GRID1: variants seen among roughly 807,000 people sequenced by gnomAD.
GRID1 encodes glutamate receptor ionotropic, delta-1.
In GRID1, 28 loss-of-function variants were observed where a neutral mutation model predicts 98.0. That is an observed-to-expected ratio of 0.29 (90% CI 0.21 to 0.39). GRID1 has a LOEUF of 0.39. Ranked by LOEUF, GRID1 falls within the 10% of genes least tolerant of loss-of-function variation. The probability of loss-of-function intolerance (pLI) is 1.00; values close to 1 mark genes in which losing one functional copy is unlikely to be tolerated. For missense variants in GRID1, 1,111 were observed against 1,340.5 expected (o/e 0.83, Z 2.67); for synonymous variants, 553 against 538.5 (o/e 1.03, Z -0.37).
chr10:86,032,396 T>TG (rs560451783), intron 4 of GRID1, among the ~76,000 whole-genome samples: 1 of 152,062 alleles, frequency 6.6e-6, no homozygotes, highest in African/African-American at 2.4e-5. Context: ...GGGGGAAGTG[T>TG]GGGGAAAGGA....
At chr10:85,800,581 G>A (rs1307399312) in intron 8 of GRID1, among the ~76,000 whole-genome samples, 2 of 151,868 alleles carry the variant, frequency 1.3e-5, no homozygotes, top group African/African-American at 4.8e-5. Context: ...GTGGTAATTC[G>A]AGGAAAATAT....
intron 3 of GRID1, among the ~76,000 whole-genome samples, chr10:86,158,955 G>A (rs1322495909): frequency 6.6e-6 from 1 of 151,996 alleles, no homozygotes; most frequent in African/African-American, 2.4e-5. Flanking sequence ...GTGCAGTGGC[G>A]CGATCTTGGC....
chr10:85,686,478 T>C (rs1014710806), intron 12 of GRID1, among the ~76,000 whole-genome samples: 3 of 152,180 alleles, frequency 2.0e-5, no homozygotes, highest in Admixed American at 6.5e-5. Context: ...AAACATGATA[T>C]GGTTGTATAG....
At chr10:85,604,092 G>C (rs1842621139) in intron 15 of GRID1, among the ~76,000 whole-genome samples, 1 of 152,098 alleles carries the variant, frequency 6.6e-6, no homozygotes, top group Admixed American at 6.6e-5. Flanking sequence ...TGAATCACAG[G>C]GCTAACCCCC....
In GRID1 at chr10:86,153,513, A is replaced by C. The variant is rs572245726; in HGVS notation, c.521-14489T>G. ...TGCGCTCTTGAGGCTATTAATGTCT[A>C]TCCTATCTGAAACACCAGAAATAAT... On this transcript the variant is annotated intron_variant, in intron 3 of 15. Coordinates refer to ENST00000327946, the MANE Select transcript of GRID1 (RefSeq NM_017551.3). Among the ~76,000 whole-genome samples the C allele has an allele frequency of 1.4e-3, 212 of 152,316 alleles. 2 individuals carry two copies. The highest frequency in any genetic ancestry group is 4.8e-3 in the African/African-American group (199 of 41,572).
intron 4 of GRID1, among the ~76,000 whole-genome samples, chr10:85,972,967 T>C (rs1403744408): frequency 3.3e-5 from 5 of 152,234 alleles, no homozygotes; most frequent in Non-Finnish European, 7.3e-5. Context: ...TTCATTTTAT[T>C]TTGAAATTCA....
At chr10:86,197,038 A>G (rs1010294754) in intron 3 of GRID1, among the ~76,000 whole-genome samples, 3 of 152,074 alleles carry the variant, frequency 2.0e-5, no homozygotes, top group Non-Finnish European at 2.9e-5. Flanking sequence ...AGTATCACTC[A>G]ACCAAGCAAA....
chr10:85,844,589 G>T (rs1476381864), intron 8 of GRID1, among the ~76,000 whole-genome samples: 1 of 151,994 alleles, frequency 6.6e-6, no homozygotes, highest in Non-Finnish European at 1.5e-5. Flanking sequence ...TAAATAAAGG[G>T]TATGCTGGAT....
rs941117548 is a variant in GRID1, at chr10:86,365,525, C to T, written c.79+789G>A. ...CTCCCGGTTCTCTCTCTCTATCCAT[C>T]TCTTCCCGCTCAGCATCCCCCTACC... On this transcript the variant is annotated intron_variant, in intron 1 of 15. Coordinates refer to ENST00000327946, the MANE Select transcript of GRID1 (RefSeq NM_017551.3). This position sits in a 1 kb window ranked among gnomAD's most constrained non-coding sequence, Gnocchi z 4.8. Among the ~76,000 whole-genome samples, 2 of 151,816 alleles carry T rather than the reference C, an allele frequency of 1.3e-5. No homozygotes were observed. The highest frequency in any genetic ancestry group is 2.9e-5 in the Non-Finnish European group (2 of 67,962).
chr10:85,851,324 G>A (rs1269032850), intron 8 of GRID1, among the ~76,000 whole-genome samples: 1 of 152,094 alleles, frequency 6.6e-6, no homozygotes, highest in Non-Finnish European at 1.5e-5. Context: ...GTACAAAACA[G>A]ACAATTAATA....
At chr10:86,039,277 A>G (rs1241529957) in intron 4 of GRID1, among the ~76,000 whole-genome samples, 1 of 152,136 alleles carries the variant, frequency 6.6e-6, no homozygotes, top group Non-Finnish European at 1.5e-5. Flanking sequence ...GACACAGCTC[A>G]TGTCAATTCA....
At chr10:85,790,083 G>A (rs1047594167) in intron 8 of GRID1, among the ~76,000 whole-genome samples, 1 of 152,134 alleles carries the variant, frequency 6.6e-6, no homozygotes, top group African/African-American at 2.4e-5. Flanking sequence ...TCCTCCTCCA[G>A]CCAGGCTGGG....
At chr10:86,046,861 CA>C (rs199526669) in intron 4 of GRID1, among the ~76,000 whole-genome samples, 52,209 of 107,636 alleles carry the variant, frequency 0.49, 10,402 homozygotes, top group South Asian at 0.63. Flanking sequence ...AAGCCCATTT[CA>C]AAAAAAAAAA....
Position 86,229,740 on chromosome 10 carries a change from G to A in GRID1, c.236-23092C>T, listed in dbSNP as rs546139710. Among the ~76,000 whole-genome samples, 14 of 152,264 alleles carry A rather than the reference G, an allele frequency of 9.2e-5. No homozygotes were observed. The South Asian group carries it at 2.9e-3, about 32-fold the overall frequency. ...CCAGGGCAGACAGCCGGGCGTGCGG[G>A]CCAGCCAAGTCCACCTACCCATACC... is the stretch of plus-strand genomic sequence containing the variant. On this transcript the variant is annotated intron_variant, in intron 2 of 15. Transcript: ENST00000327946.
rs377669879 is a variant in GRID1, at chr10:85,647,267, G to T, written c.2128C>A (p.Arg710=). 2 of 1,614,186 alleles carry T rather than the reference G, an allele frequency of 1.2e-6. No individual in the cohort carries two copies. The highest frequency in any genetic ancestry group is 4.5e-5 in the East Asian group (2 of 44,886). The change falls in exon 13 of 16, where the codon CGG becomes AGG. Residue 710 remains arginine (R), a synonymous_variant. Transcript: ENST00000327946. ...EQDSTFAELW[R]TISKNGGADN... ...GCCCCTCCGTTCTTGCTGATGGTCC[G>T]CCAGAGTTCAGCAAACGTGCTGTCC...
At chr10:86,271,455 T>C (rs560213311) in intron 2 of GRID1, among the ~76,000 whole-genome samples, 121 of 152,196 alleles carry the variant, frequency 8.0e-4, no homozygotes, top group African/African-American at 2.8e-3. Flanking sequence ...AAAAAATCAA[T>C]CGATCAAAAT....
At chr10:85,760,649 G>A (rs1842138654) in intron 8 of GRID1, among the ~76,000 whole-genome samples, 1 of 152,188 alleles carries the variant, frequency 6.6e-6, no homozygotes, top group African/African-American at 2.4e-5. Flanking sequence ...TAGTGAGACA[G>A]AAGTCAACAA....
chr10:86,197,907 T>G (rs1345581180), intron 3 of GRID1, among the ~76,000 whole-genome samples: 1 of 152,102 alleles, frequency 6.6e-6, no homozygotes, highest in Non-Finnish European at 1.5e-5. Context: ...ATTGTCAAAC[T>G]TCTTCCATAG....
intron 4 of GRID1, among the ~76,000 whole-genome samples, chr10:85,968,907 T>C (rs1842372513): frequency 6.6e-6 from 1 of 152,024 alleles, no homozygotes; most frequent in African/African-American, 2.4e-5. Context: ...AACGACAGAG[T>C]GAATTTTTTA....
Sources: gnomAD v4.1 joint callset for allele counts (sites outside exome capture counted in the v4.1 genomes callset) on GRCh38, gnomAD v4.1.1 for gene constraint, Gnocchi (gnomAD v3.1) non-coding constraint, MANE v1.5 for transcripts, NCBI Gene and HGNC (gene_info 2026-07-23, HGNC 2026-07-21) for gene names.